Variants in ITGA8 observed in about 807,000 individuals in gnomAD.
The protein encoded by ITGA8 is integrin alpha-8.
Under a neutral mutation model 142.3 loss-of-function variants are expected in ITGA8, and 91 were observed. The ratio of observed to expected loss-of-function variants is 0.64; its 90% CI spans 0.54 to 0.76. ITGA8 has a LOEUF of 0.76. ITGA8 is among the 30% of genes least tolerant of loss of function. The pLI, the probability that ITGA8 is intolerant of heterozygous loss-of-function variation, is 0.00. For synonymous variants in ITGA8, 505 were observed against 485.2 expected (o/e 1.04, Z -0.54); for missense variants, 1,406 against 1,327.7 (o/e 1.06, Z -0.92).
At chr10:15,542,600 A>G (rs1266412745) in intron 27 of ITGA8, among the ~76,000 whole-genome samples, 1 of 152,210 alleles carries the variant, frequency 6.6e-6, no homozygotes. Context: ...TAGTTTAGCT[A>G]TCCGTAATAC....
chr10:15,640,062 CAG>C (rs1285906839), intron 13 of ITGA8, among the ~76,000 whole-genome samples: 4 of 152,172 alleles, frequency 2.6e-5, no homozygotes, highest in African/African-American at 9.7e-5. Context: ...ACGTACAGGG[CAG>C]AGAGTCCGGG....
At chr10:15,624,597 A>G (rs994481492) in intron 13 of ITGA8, among the ~76,000 whole-genome samples, 1 of 152,070 alleles carries the variant, frequency 6.6e-6, no homozygotes, top group African/African-American at 2.4e-5. Flanking sequence ...ACTCAGCTCT[A>G]CAGACGCCTG....
chr10:15,624,690 C>G (rs1330005512), intron 13 of ITGA8, among the ~76,000 whole-genome samples: 2 of 152,178 alleles, frequency 1.3e-5, no homozygotes, highest in African/African-American at 2.4e-5. Context: ...TCCCATCCTG[C>G]CAATCCTCTT....
chr10:15,678,806 A>C (rs780603075), intron 4 of ITGA8, 23 bp from the exon 5 acceptor site: 1 of 1,487,768 alleles, frequency 6.7e-7, no homozygotes, highest in Non-Finnish European at 9.3e-7. Context: ...AAATACATAA[A>C]TGTTATAACG....
intron 27 of ITGA8, among the ~76,000 whole-genome samples, chr10:15,545,242 G>C (rs1205422506): frequency 6.6e-6 from 1 of 152,164 alleles, no homozygotes; most frequent in African/African-American, 2.4e-5. Flanking sequence ...AAAAACCTTG[G>C]AGTCCATCTT....
At chr10:15,586,542 A>G (rs1040946270) in intron 23 of ITGA8, 42 bp downstream of exon 23, 1 of 1,137,562 alleles carries the variant, frequency 8.8e-7, no homozygotes, top group Admixed American at 1.8e-5. Context: ...TCTTAACTCT[A>G]CATACAGAAG....
At chr10:15,717,330 A>G (rs1244682471) in intron 2 of ITGA8, among the ~76,000 whole-genome samples, 1 of 152,226 alleles carries the variant, frequency 6.6e-6, no homozygotes, top group Non-Finnish European at 1.5e-5. Context: ...GGCCTGCTTT[A>G]AAATACTTTT....
intron 17 of ITGA8, among the ~76,000 whole-genome samples, chr10:15,607,449 T>C (rs1833215306): frequency 6.6e-6 from 1 of 152,162 alleles, no homozygotes; most frequent in Admixed American, 6.6e-5. Context: ...ATAAAGATTT[T>C]GATCAAAATG....
intron 2 of ITGA8, among the ~76,000 whole-genome samples, chr10:15,713,260 C>A (rs1262814769): frequency 6.6e-6 from 1 of 152,198 alleles, no homozygotes; most frequent in Non-Finnish European, 1.5e-5. Context: ...CCAGCTAAAC[C>A]ACCTTTGATG....
chr10:15,654,568 A>G (rs1213325081), intron 11 of ITGA8, among the ~76,000 whole-genome samples: 2 of 152,248 alleles, frequency 1.3e-5, no homozygotes, highest in African/African-American at 2.4e-5. Flanking sequence ...TAGCAAAAGT[A>G]TAGCTAAAGT....
intron 10 of ITGA8, among the ~76,000 whole-genome samples, chr10:15,658,392 A>C (rs893396740): frequency 2.6e-5 from 4 of 152,076 alleles, no homozygotes; most frequent in Non-Finnish European, 4.4e-5. Context: ...CTTAGAAAAA[A>C]ATTCTTAATC....
In ITGA8 at chr10:15,535,226, C is replaced by T. The variant is rs557726703; in HGVS notation, c.2881-4075G>A. On this transcript the variant is annotated intron_variant, in intron 27 of 29. Transcript: ENST00000378076. The stretch of plus-strand genomic sequence containing the variant: ...CATGCCTGAGCCTCCCCCCACCCTC[C>T]GTGGGCTCCTGTGCAGCCCGAGCCT... Among the ~76,000 whole-genome samples the T allele has an allele frequency of 4.5e-3, 688 of 152,258 alleles. 5 individuals carry two copies. Among genetic ancestry groups the T allele is most frequent in the African/African-American group, 0.015 (629 of 41,556 alleles).
At chr10:15,614,119 T>A (rs1056670143) in intron 14 of ITGA8, among the ~76,000 whole-genome samples, 2 of 152,246 alleles carry the variant, frequency 1.3e-5, no homozygotes, top group Non-Finnish European at 2.9e-5. Context: ...TATCTACATC[T>A]GTATCTGATG....
chr10:15,693,888 T>C (rs1340801128), intron 2 of ITGA8, among the ~76,000 whole-genome samples: 2 of 151,808 alleles, frequency 1.3e-5, no homozygotes, highest in African/African-American at 2.4e-5. Flanking sequence ...TCTTTTTAAA[T>C]CTCTTAATGA....
chr10:15,689,984 A>G (rs1285852023), intron 2 of ITGA8, among the ~76,000 whole-genome samples: 1 of 152,152 alleles, frequency 6.6e-6, no homozygotes, highest in African/African-American at 2.4e-5. Flanking sequence ...CTTTGGTCCC[A>G]GGGAATTGAT....
At chr10:15,551,931 C>T (rs1174040152) in intron 26 of ITGA8, among the ~76,000 whole-genome samples, 1 of 152,034 alleles carries the variant, frequency 6.6e-6, no homozygotes, top group Non-Finnish European at 1.5e-5. Flanking sequence ...CCTTGGCCTT[C>T]ATCTGAGAGT....
In ITGA8 at chr10:15,577,851, AT is replaced by A. The variant is rs1439672073; in HGVS notation, c.2373-2258del. ...GTCCTAAGATGGAAGATAGAACGTT[AT>A]CCCAGTAAGACCCTCAGATAAGAAG... On this transcript the variant is annotated intron_variant, in intron 23 of 29. Coordinates refer to ENST00000378076, the MANE Select transcript of ITGA8 (RefSeq NM_003638.3). Among the ~76,000 whole-genome samples the A allele has an allele frequency of 4.6e-5, 7 of 152,326 alleles. No individual in the cohort carries two copies. In the South Asian group the frequency reaches 1.4e-3, roughly 32 times the overall value.
chr10:15,537,569 G>A (rs1833472677), intron 27 of ITGA8, among the ~76,000 whole-genome samples: 2 of 152,196 alleles, frequency 1.3e-5, no homozygotes, highest in South Asian at 4.1e-4. Context: ...GGGAAACGAA[G>A]ATGTAACTTT....
intron 8 of ITGA8, among the ~76,000 whole-genome samples, chr10:15,668,306 T>C (rs1834437232): frequency 6.6e-6 from 1 of 152,196 alleles, no homozygotes; most frequent in African/African-American, 2.4e-5. Context: ...TCTTTGTTGG[T>C]TTAAAGTCTG....
Sources: allele counts gnomAD v4.1 joint callset (sites outside exome capture counted in the v4.1 genomes callset), GRCh38; gene constraint gnomAD v4.1.1; transcripts MANE v1.5; gene names NCBI Gene and HGNC (gene_info 2026-07-23, HGNC 2026-07-21).